ALPK1: variants seen among roughly 807,000 people sequenced by gnomAD.
ALPK1 encodes alpha-protein kinase 1.
A neutral mutation model predicts 120.6 loss-of-function variants in ALPK1; 110 were observed. The ratio of observed to expected loss-of-function variants is 0.91; its 90% CI spans 0.78 to 1.07. ALPK1 has a LOEUF of 1.07. Among genes scored for constraint, ALPK1 ranks in the 50% least tolerant of loss-of-function variants. The pLI is 0.00. For missense variants in ALPK1, 1,498 were observed against 1,483.9 expected (o/e 1.01, Z -0.16); for synonymous variants, 582 against 560.3 (o/e 1.04, Z -0.55).
At position 112,330,065 on chromosome 4, in the gene ALPK1, G is replaced by C. The variant is rs373611580; in HGVS notation, c.-101+14213G>C. ...AAGTTAAATTGAAAAACGCTGATTAGAAACCATTTAGAATAAATGAAGAGA... is the reference window on the plus strand; with the variant it reads ...AAGTTAAATTGAAAAACGCTGATTACAAACCATTTAGAATAAATGAAGAGA... On this transcript the variant is annotated intron_variant, in intron 2 of 15. Transcript: ENST00000650871. Among the ~76,000 whole-genome samples, 15 of 152,312 alleles carry C rather than the reference G, an allele frequency of 9.8e-5. No homozygotes were observed. In the East Asian group the frequency reaches 2.5e-3, roughly 25 times the overall value.
At chr4:112,358,825 C>T in intron 2 of ALPK1, 4 of 813,382 alleles carry the variant, frequency 4.9e-6, no homozygotes, top group Middle Eastern at 4.4e-4. Flanking sequence ...GCCAACTTTG[C>T]CACCTTCACC....
intron 4 of ALPK1, among the ~76,000 whole-genome samples, chr4:112,400,514 T>C (rs533327401): frequency 3.9e-5 from 6 of 152,266 alleles, no homozygotes; most frequent in African/African-American, 1.4e-4. Context: ...CGGGCAGTAA[T>C]GGGAGCCATC....
At position 112,315,851 on chromosome 4, in the gene ALPK1, G is replaced by T. The variant is rs966153446; in HGVS notation, c.-102G>T. On this transcript the variant is annotated splice_region_variant and 5_prime_UTR_variant, in exon 2 of 16. Coordinates refer to ENST00000650871, the MANE Select transcript of ALPK1 (RefSeq NM_025144.4). Reference sequence around the variant, plus strand: ...TTGAAATCTAATGAACCGAAACTTTGGGTAAGTTTTCATATGAAACTTTTG... The same window carrying T: ...TTGAAATCTAATGAACCGAAACTTTTGGTAAGTTTTCATATGAAACTTTTG... 9 of 152,084 alleles carry T rather than the reference G, an allele frequency of 5.9e-5. No individual in the cohort carries two copies. The highest frequency in any genetic ancestry group is 1.7e-4 in the African/African-American group (7 of 41,394). The allele number at this position is 152,084 out of a possible 1,614,324, so 9.4% of individuals were successfully genotyped here.
Position 112,377,825 on chromosome 4 carries a change from A to C in ALPK1, c.48A>C (p.Gln16His), listed in dbSNP as rs752518510. The change falls in exon 3 of 16, where the codon CAA (glutamine) becomes CAC (histidine). Residue 16 changes from glutamine to histidine, a missense_variant. By Grantham distance (24) the Gln-to-His change is conservative. Transcript: ENST00000650871. Reference protein sequence around the residue: ...VVAVLLQECKQVLDQLLLEAP... With the variant: ...VVAVLLQECKHVLDQLLLEAP... ...CTGTGCTACTGCAAGAGTGCAAGCAAGTGCTGGATCAGCTCTTGTTGGAAG... is the reference window on the plus strand; with the variant it reads ...CTGTGCTACTGCAAGAGTGCAAGCACGTGCTGGATCAGCTCTTGTTGGAAG... 6.2e-6 allele frequency: 10 copies of C among 1,613,632 alleles called. No homozygotes were observed. Among genetic ancestry groups the C allele is most frequent in the African/African-American group, 2.7e-5 (2 of 74,912 alleles).
intron 13 of ALPK1, 149 bp downstream of exon 13, chr4:112,438,795 C>G (rs1734901733): frequency 1.2e-6 from 1 of 860,384 alleles, no homozygotes; most frequent in South Asian, 2.1e-5. Flanking sequence ...GAGAAAGAAC[C>G]CTAAAGATTT....
At chr4:112,311,521 T>C (rs927265941) in intron 1 of ALPK1, among the ~76,000 whole-genome samples, 2 of 152,202 alleles carry the variant, frequency 1.3e-5, no homozygotes, top group Non-Finnish European at 2.9e-5. Flanking sequence ...ACTTAATCCA[T>C]TCTAACCCTG....
chr4:112,357,888 G>A, intron 2 of ALPK1: 1 of 1,146,246 alleles, frequency 8.7e-7, no homozygotes, highest in Admixed American at 1.8e-5. Flanking sequence ...CGCTGTTTGT[G>A]GAGCCCAGGA....
Position 112,441,482 on chromosome 4 carries a change from G to T in ALPK1, c.*272G>T. 2 of 492,900 alleles carry T rather than the reference G, an allele frequency of 4.1e-6. No homozygotes were observed. The highest frequency in any genetic ancestry group is 7.2e-6 in the Non-Finnish European group (2 of 276,046). 30.5% of individuals were successfully genotyped at this position (492,900 alleles called of 1,614,324 possible). On this transcript the variant is annotated 3_prime_UTR_variant, in exon 16 of 16. Coordinates refer to ENST00000650871, the MANE Select transcript of ALPK1 (RefSeq NM_025144.4). ...AAAAGCACTCTTGAGAAAGGCATGTGTTGTTTAAGCCATTGAGATTTTAGA... is the reference window on the plus strand; with the variant it reads ...AAAAGCACTCTTGAGAAAGGCATGTTTTGTTTAAGCCATTGAGATTTTAGA...
intron 12 of ALPK1, among the ~76,000 whole-genome samples, chr4:112,437,330 C>A (rs1200671040): frequency 6.6e-6 from 1 of 152,028 alleles, no homozygotes; most frequent in Non-Finnish European, 1.5e-5. Context: ...TGGCAGTTTA[C>A]CATGAACAAA....
chr4:112,439,795 C>T lies in ALPK1; in HGVS notation c.3461C>T (p.Ala1154Val), dbSNP rs1734951581. ...AAAGTGGTGAAAACAGAATACAAAG[C>T]CACAGAATATGGCTTGGCCTATGGC... is the stretch of plus-strand genomic sequence containing the variant. ...NTKVVKTEYK[A>V]TEYGLAYGHF... is the part of the protein sequence containing the mutation. The change falls in exon 14 of 16, where the codon GCC (alanine) becomes GTC (valine). Residue 1154 changes from alanine to valine, a missense_variant. Coordinates refer to ENST00000650871, the MANE Select transcript of ALPK1 (RefSeq NM_025144.4). The T allele has an allele frequency of 6.2e-7, 1 of 1,613,426 alleles. No individual in the cohort carries two copies. The highest frequency in any genetic ancestry group is 8.5e-7 in the Non-Finnish European group (1 of 1,179,766).
chr4:112,413,888 T>G (rs1223917374), intron 5 of ALPK1, among the ~76,000 whole-genome samples: 2 of 152,220 alleles, frequency 1.3e-5, no homozygotes. Context: ...ATAAAGGTCC[T>G]GGATCTTTTT....
chr4:112,429,238 C>A lies in ALPK1; in HGVS notation c.885C>A (p.Phe295Leu), dbSNP rs147634595. 8.7e-5 allele frequency: 141 copies of A among 1,612,036 alleles called. No individual in the cohort carries two copies. The highest frequency in any genetic ancestry group is 1.1e-4 in the Non-Finnish European group (134 of 1,179,778). The change falls in exon 10 of 16, where the codon TTC becomes TTA. Residue 295 changes from phenylalanine (F) to leucine (L), a missense_variant. Transcript: ENST00000650871. ...CCTTCAGTGCCTATACGCCGCTCTT[C>A]GTGCTCACAGCTGTGGTAAACGAAT... ...AAAFSAYTPL[F>L]VLTAVNIRGT...
intron 4 of ALPK1, among the ~76,000 whole-genome samples, chr4:112,387,844 A>G (rs1732221324): frequency 6.6e-6 from 1 of 152,212 alleles, no homozygotes; most frequent in Non-Finnish European, 1.5e-5. Flanking sequence ...AACTTGTGTC[A>G]CAGGGGTTTG....
Position 112,424,217 on chromosome 4 carries a change from G to A in ALPK1, c.535+214G>A, listed in dbSNP as rs141470260. 5.1e-3 allele frequency among the ~76,000 whole-genome samples: 765 copies of A among 149,894 alleles called. 8 individuals are homozygous for A. The highest frequency in any genetic ancestry group is 0.018 in the African/African-American group (722 of 40,706). On this transcript the variant is annotated intron_variant, in intron 6 of 15. Transcript: ENST00000650871. ...CTAAGTTAAAAAAAAAAACAACAAA[G>A]ACAAGGAACCTACTATTGGCCTGCT... is the stretch of plus-strand genomic sequence containing the variant.
At chr4:112,402,277 T>C (rs7661560) in intron 4 of ALPK1, among the ~76,000 whole-genome samples, 123,781 of 152,144 alleles carry the variant, frequency 0.81, 50,986 homozygotes, top group African/African-American at 0.95. Context: ...ACCCAGCCCC[T>C]CCTTGAGAAC....
intron 2 of ALPK1, among the ~76,000 whole-genome samples, chr4:112,326,034 G>A (rs1336896475): frequency 4.6e-5 from 7 of 152,034 alleles, no homozygotes; most frequent in African/African-American, 1.7e-4. Context: ...ACCTCAGCAT[G>A]AGTGCCTGGC....
At chr4:112,406,758 T>C (rs1733195122) in intron 4 of ALPK1, among the ~76,000 whole-genome samples, 1 of 152,170 alleles carries the variant, frequency 6.6e-6, no homozygotes, top group East Asian at 1.9e-4. Flanking sequence ...CTCTGTCCTA[T>C]CTTGTCTGAT....
intron 2 of ALPK1, among the ~76,000 whole-genome samples, chr4:112,346,778 A>G (rs1421373362): frequency 2.6e-5 from 4 of 152,390 alleles, no homozygotes; most frequent in Non-Finnish European, 5.9e-5. Context: ...CAACATCGAA[A>G]AACAAACAAC....
chr4:112,337,393 A>G (rs1729665988), intron 2 of ALPK1, among the ~76,000 whole-genome samples: 2 of 152,284 alleles, frequency 1.3e-5, no homozygotes, highest in South Asian at 2.1e-4. Flanking sequence ...TCTGAGTGCT[A>G]TTGGAACTTC....
Sources: allele counts gnomAD v4.1 joint callset (sites outside exome capture counted in the v4.1 genomes callset), GRCh38; gene constraint gnomAD v4.1.1; transcripts MANE v1.5; gene names NCBI Gene and HGNC (gene_info 2026-07-23, HGNC 2026-07-21).